Variants in PHTF2 observed in about 807,000 individuals in gnomAD.
PHTF2 encodes putative homeodomain transcription factor 2.
A neutral mutation model predicts 101.2 loss-of-function variants in PHTF2; 60 were observed. That is an observed-to-expected ratio of 0.59 (90% CI 0.48 to 0.73). The LOEUF is 0.73. Among genes scored for constraint, PHTF2 ranks in the 30% least tolerant of loss-of-function variants. The probability of loss-of-function intolerance (pLI) is 0.00; values close to 1 mark genes in which losing one functional copy is unlikely to be tolerated. For synonymous variants in PHTF2, 311 were observed against 307.3 expected, an observed-to-expected ratio of 1.01 and a Z score of -0.13; for missense variants, 747 against 908.7, an observed-to-expected ratio of 0.82 and a Z score of 2.29.
chr7:77,894,729 G>A (rs1371128025), intron 5 of PHTF2, among the ~76,000 whole-genome samples: 1 of 152,180 alleles, frequency 6.6e-6, no homozygotes, highest in Non-Finnish European at 1.5e-5. Context: ...AAGAGCGAGA[G>A]GGGAGACAAG....
intron 1 of PHTF2, among the ~76,000 whole-genome samples, chr7:77,800,493 G>A (rs747820535): frequency 6.6e-6 from 1 of 152,160 alleles, no homozygotes; most frequent in Non-Finnish European, 1.5e-5. Context: ...TGAAAATGTG[G>A]TGAGTAAACA....
chr7:77,882,617 A>G (rs1799513067), intron 3 of PHTF2, among the ~76,000 whole-genome samples: 1 of 152,190 alleles, frequency 6.6e-6, no homozygotes, highest in African/African-American at 2.4e-5. Flanking sequence ...TCTTCCCGAA[A>G]TAACACTAGA....
intron 2 of PHTF2, among the ~76,000 whole-genome samples, chr7:77,841,743 A>G (rs1007531725): frequency 2.0e-5 from 3 of 152,226 alleles, no homozygotes; most frequent in African/African-American, 7.2e-5. Context: ...TGTGTTTGTT[A>G]GTGCCTCCTT....
At chr7:77,856,132 C>G (rs1797161903) in intron 3 of PHTF2, among the ~76,000 whole-genome samples, 1 of 152,068 alleles carries the variant, frequency 6.6e-6, no homozygotes, top group Non-Finnish European at 1.5e-5. Flanking sequence ...AGTGTGCACA[C>G]CCAGCTACTT....
intron 18 of PHTF2, among the ~76,000 whole-genome samples, chr7:77,951,979 C>G (rs1584802045): frequency 2.0e-5 from 3 of 152,056 alleles, no homozygotes; most frequent in Admixed American, 2.0e-4. Context: ...AAATGTATGC[C>G]TCCTACACCT....
chr7:77,947,171 C>T (rs909132561), intron 16 of PHTF2, among the ~76,000 whole-genome samples: 1 of 151,894 alleles, frequency 6.6e-6, no homozygotes, highest in African/African-American at 2.4e-5. Flanking sequence ...GCAACAACAA[C>T]AACAACAACA....
Position 77,920,485 on chromosome 7 carries a change from T to C in PHTF2, c.963+20T>C. 1 of 1,593,882 alleles carries C rather than the reference T, an allele frequency of 6.3e-7. No individual in the cohort carries two copies. Among genetic ancestry groups the C allele is most frequent in the Non-Finnish European group, 8.6e-7 (1 of 1,162,864 alleles). On this transcript the variant is annotated intron_variant, in intron 10 of 19. Transcript: ENST00000416283. ...AGCAAAGTACGTGTGATTTTTAAAATAGTTTGCCTATGTGATTTTATATTA... is the reference window on the plus strand; with the variant it reads ...AGCAAAGTACGTGTGATTTTTAAAACAGTTTGCCTATGTGATTTTATATTA...
chr7:77,914,251 T>A (rs374010032), intron 9 of PHTF2, among the ~76,000 whole-genome samples: 2 of 151,998 alleles, frequency 1.3e-5, no homozygotes, highest in South Asian at 4.1e-4. Flanking sequence ...CAAAGGAGGG[T>A]ACAATGATCT....
chr7:77,885,471 G>C (rs899130618), intron 3 of PHTF2, among the ~76,000 whole-genome samples: 1 of 151,822 alleles, frequency 6.6e-6, no homozygotes, highest in Non-Finnish European at 1.5e-5. Flanking sequence ...TTGACATGGA[G>C]TCTTGCTCTG....
intron 9 of PHTF2, among the ~76,000 whole-genome samples, chr7:77,912,130 G>A (rs112110946): frequency 0.015 from 2,333 of 152,336 alleles, 30 homozygotes; most frequent in Non-Finnish European, 0.024. Context: ...AAATGAGATA[G>A]AGACTTAAAT....
intron 3 of PHTF2, among the ~76,000 whole-genome samples, chr7:77,870,345 C>G (rs1489412210): frequency 2.6e-5 from 4 of 151,468 alleles, no homozygotes; most frequent in African/African-American, 9.7e-5. Flanking sequence ...TTAACTCACA[C>G]TATCACAAGG....
intron 12 of PHTF2, among the ~76,000 whole-genome samples, chr7:77,932,619 A>AGTGTGTGT (rs1390574112): frequency 2.1e-4 from 24 of 111,658 alleles, no homozygotes; most frequent in African/African-American, 6.1e-4. Context: ...AGAGAGAGAG[A>AGTGTGTGT]GAGTGTGTGT....
chr7:77,906,595 C>G (rs912861816), intron 7 of PHTF2: 6 of 152,122 alleles, frequency 3.9e-5, no homozygotes, highest in Non-Finnish European at 8.8e-5. Context: ...TGAAAGAGTT[C>G]AGATAAATAA....
chr7:77,870,524 G>A (rs1235508899), intron 3 of PHTF2, among the ~76,000 whole-genome samples: 2 of 152,126 alleles, frequency 1.3e-5, no homozygotes, highest in Admixed American at 1.3e-4. Flanking sequence ...TTTTCTGCCT[G>A]CTTGTATGCT....
intron 3 of PHTF2, among the ~76,000 whole-genome samples, chr7:77,873,308 G>A (rs890160977): frequency 6.6e-6 from 1 of 152,146 alleles, no homozygotes; most frequent in Non-Finnish European, 1.5e-5. Flanking sequence ...AATTCAGCTT[G>A]ATCCAACTCT....
At chr7:77,954,612 G>T (rs848463) in intron 19 of PHTF2, among the ~76,000 whole-genome samples, 1 of 90,194 alleles carries the variant, frequency 1.1e-5, no homozygotes, top group Non-Finnish European at 2.1e-5. Context: ...CAAGTACTGT[G>T]TATATATATA....
At chr7:77,873,631 G>C (rs2150725114) in intron 3 of PHTF2, among the ~76,000 whole-genome samples, 1 of 152,242 alleles carries the variant, frequency 6.6e-6, no homozygotes, top group South Asian at 2.1e-4. Flanking sequence ...AGACAAAGGT[G>C]GAAAGGCTGA....
intron 16 of PHTF2, among the ~76,000 whole-genome samples, chr7:77,945,208 C>T (rs1241032784): frequency 1.3e-5 from 2 of 152,076 alleles, no homozygotes; most frequent in African/African-American, 2.4e-5. Context: ...CATGGTGGCT[C>T]GCGCCTGTAA....
intron 3 of PHTF2, among the ~76,000 whole-genome samples, chr7:77,858,649 CT>C (rs34405628): frequency 5.2e-3 from 665 of 127,646 alleles, no homozygotes; most frequent in Admixed American, 6.5e-3. Context: ...GAAGTATACA[CT>C]TTTTTTTTTT....
Sources: allele counts gnomAD v4.1 joint callset (sites outside exome capture counted in the v4.1 genomes callset), GRCh38; gene constraint gnomAD v4.1.1; transcripts MANE v1.5; gene names NCBI Gene and HGNC (gene_info 2026-07-23, HGNC 2026-07-21).